The following PLIN4 variants were observed in gnomAD, a reference collection of about 807,000 sequenced individuals.
PLIN4 encodes the protein perilipin 4, also known as perilipin-4.
In PLIN4, 57 loss-of-function variants were observed where a neutral mutation model predicts 52.4. That is an observed-to-expected ratio of 1.09 (90% CI 0.88 to 1.36). The LOEUF is 1.36. Among genes scored for constraint, PLIN4 ranks in the 40% most tolerant of loss-of-function variants. PLIN4 has a pLI of 0.00. For synonymous variants in PLIN4, 826 were observed against 785.4 expected, an observed-to-expected ratio of 1.05 and a Z score of -0.86; for missense variants, 1,757 against 1,770.3, an observed-to-expected ratio of 0.99 and a Z score of 0.13.
chr19:4,512,983 C>T lies in PLIN4; in HGVS notation c.977G>A (p.Ser326Asn), dbSNP rs56271257. 5.0e-6 allele frequency: 3 copies of T among 600,228 alleles called. No individual in the cohort carries two copies. The highest frequency in any genetic ancestry group is 2.7e-5 in the East Asian group (1 of 37,458). The allele number at this position is 600,228 out of a possible 1,614,324, so 37.2% of individuals were successfully genotyped here. Residue 326 changes from serine (S) to asparagine (N), a missense_variant, in exon 5 of 8, where the codon AGT (serine) becomes AAT (asparagine). By Grantham distance (46) the Ser-to-Asn change is conservative. This residue lies in a region of PLIN4 where 99 missense variants were observed against 143.4 expected (regional missense o/e 0.69). Transcript: ENST00000301286. The part of the protein sequence containing the change: ...KGTIQTGVDT[S>N]KTVLTGTKDT... ...CTTGGTACCTGTTAGGACAGTCTTA[C>T]TGGTGTCCACGCCGGTCTGGATGGT...
chr19:4,511,786 A>G lies in PLIN4; in HGVS notation c.2174T>C (p.Val725Ala). 1.2e-6 allele frequency: 2 copies of G among 1,603,778 alleles called. No individual in the cohort carries two copies. Among genetic ancestry groups the G allele is most frequent in the Non-Finnish European group, 8.5e-7 (1 of 1,175,966 alleles). ...VQTSVDTTKT[V>A]LTGTKDTVCS... ...GACGGTGTCCTTGGTACCAGTTAGGACAGTCTTGGTGGTGTCCACACTGGT... is the reference window on the plus strand; with the variant it reads ...GACGGTGTCCTTGGTACCAGTTAGGGCAGTCTTGGTGGTGTCCACACTGGT... The change falls in exon 5 of 8, where the codon GTC becomes GCC. Residue 725 changes from valine to alanine, a missense_variant. This residue lies in a region of PLIN4 where 96 missense variants were observed against 136.5 expected (regional missense o/e 0.70). Coordinates refer to ENST00000301286, the MANE Select transcript of PLIN4 (RefSeq NM_001367868.2).
Position 4,510,900 on chromosome 19 carries a change from C to T in PLIN4, c.3060G>A (p.Lys1020=). ...GAVQGGLDTT[K]TVLTGTKDAV... ...CGTCTTTGGTTCCGGTCAGCACTGT[C>T]TTGGTGGTGTCCAGGCCCCCCTGGA... Residue 1020 remains lysine (K), a synonymous_variant, in exon 5 of 8, where the codon AAG becomes AAA. Transcript: ENST00000301286. 1 of 1,613,708 alleles carries T rather than the reference C, an allele frequency of 6.2e-7. No individual in the cohort carries two copies. Among genetic ancestry groups the T allele is most frequent in the Non-Finnish European group, 8.5e-7 (1 of 1,179,880 alleles).
rs748177287 is a variant in PLIN4 at position 4,502,489 on chromosome 19, T to TTGA, written c.*1967_*1969dup. The stretch of plus-strand genomic sequence containing the variant: ...CCCCGCACCCACGAGGCTGGGGGGT[T>TTGA]TGATGCTTCCTGCATCTGGCAGCCC... On this transcript the variant is annotated 3_prime_UTR_variant, in exon 8 of 8. Coordinates refer to ENST00000301286, the MANE Select transcript of PLIN4 (RefSeq NM_001367868.2). The TTGA allele has an allele frequency of 3.6e-6, 1 of 279,672 alleles. No individual in the cohort carries two copies. The allele number at this position is 279,672 out of a possible 1,614,324, so 17.3% of individuals were successfully genotyped here. A position where few individuals can be genotyped will look rare whatever the true frequency, so the allele number is the denominator to read the frequency against.
At position 4,513,531 on chromosome 19, in the gene PLIN4, G is replaced by A; in HGVS notation, c.429C>T (p.Val143=). 6 of 1,609,872 alleles carry A rather than the reference G, an allele frequency of 3.7e-6. No homozygotes were observed. In the South Asian group the frequency reaches 5.5e-5, roughly 15 times the overall value. ...CCTTAGCCATGTCCATGGCCCCTGT[G>A]ACCCCGCTGGACACCACCTCCTTGG... ...TGTKEVVSSG[V]TGAMDMAKGA... The change falls in exon 5 of 8, where the codon GTC becomes GTT. Residue 143 remains valine (V), a synonymous_variant. Coordinates refer to ENST00000301286, the MANE Select transcript of PLIN4 (RefSeq NM_001367868.2).
At position 4,512,196 on chromosome 19, in the gene PLIN4, G is replaced by A. The variant is rs779284877; in HGVS notation, c.1764C>T (p.Asp588=). ...TGCCGGTCAGCACGGTCTTGGCTGT[G>A]TCTACACCTGTCTGGACAGCCCCCT... ...VAKGAVQTGV[D]TAKTVLTGTK... The change falls in exon 5 of 8, where the codon GAC becomes GAT. Residue 588 remains aspartate (D), a synonymous_variant. Coordinates refer to ENST00000301286, the MANE Select transcript of PLIN4 (RefSeq NM_001367868.2). The A allele has an allele frequency of 3.7e-6, 6 of 1,612,384 alleles. No individual in the cohort carries two copies. The highest frequency in any genetic ancestry group is 4.2e-6 in the Non-Finnish European group (5 of 1,179,640).
Position 4,516,664 on chromosome 19 carries a change from C to G in PLIN4, c.211G>C (p.Glu71Gln), listed in dbSNP as rs776443950. 1 of 1,599,238 alleles carries G rather than the reference C, an allele frequency of 6.3e-7. No homozygotes were observed. The highest frequency in any genetic ancestry group is 1.7e-5 in the Admixed American group (1 of 58,076). ...TTCTCCGTCCATGGGGCCGTCTGCTCTGGGTGGGCAGCCACTGTGGGGACA... is the reference window on the plus strand; with the variant it reads ...TTCTCCGTCCATGGGGCCGTCTGCTGTGGGTGGGCAGCCACTGTGGGGACA... Reference protein sequence around the residue: ...QPQAQVAAHPEQTAPWTEKEL... With the variant: ...QPQAQVAAHPQQTAPWTEKEL... Residue 71 changes from glutamate to glutamine, a missense_variant, in exon 4 of 8, where the codon GAG becomes CAG. By Grantham distance (29) the Glu-to-Gln change is conservative (BLOSUM62 2). Coordinates refer to ENST00000301286, the MANE Select transcript of PLIN4 (RefSeq NM_001367868.2).
Position 4,504,718 on chromosome 19 carries a change from C to T in PLIN4, c.3857G>A (p.Gly1286Asp), listed in dbSNP as rs1265792821. ...CAGGCCCTGGAGGCTGGAGACCAGG[C>T]CACTGTAGGCCGTGTGCAGCTGCCG... ...LLRQLHTAYSGLVSSLQGLPA... is the reference protein window; with the variant it reads ...LLRQLHTAYSDLVSSLQGLPA... Residue 1286 changes from glycine (G) to aspartate (D), a missense_variant, in exon 8 of 8, where the codon GGC (glycine) becomes GAC (aspartate). Gly to Asp is a moderately conservative substitution (Grantham distance 94). Transcript: ENST00000301286. 4 of 1,600,952 alleles carry T rather than the reference C, an allele frequency of 2.5e-6. No homozygotes were observed. The highest frequency in any genetic ancestry group is 1.1e-5 in the South Asian group (1 of 90,352).
Position 4,504,429 on chromosome 19 carries a change from A to G in PLIN4, c.*30T>C. Reference sequence around the variant, plus strand: ...GCTCCTCCCTGGACAGAGCAGGGCGACCCCGCGCCGGGCCTGCAGGCTCCT... The same window carrying G: ...GCTCCTCCCTGGACAGAGCAGGGCGGCCCCGCGCCGGGCCTGCAGGCTCCT... On this transcript the variant is annotated 3_prime_UTR_variant, in exon 8 of 8. Coordinates refer to ENST00000301286, the MANE Select transcript of PLIN4 (RefSeq NM_001367868.2). 1 of 1,498,984 alleles carries G rather than the reference A, an allele frequency of 6.7e-7. No individual in the cohort carries two copies. The highest frequency in any genetic ancestry group is 8.9e-7 in the Non-Finnish European group (1 of 1,123,900). The allele number at this position is 1,498,984 out of a possible 1,614,324, so 92.9% of individuals were successfully genotyped here. A position where few individuals can be genotyped will look rare whatever the true frequency, so the allele number is the denominator to read the frequency against.
At chr19:4,506,577 T>G (rs952858419) in intron 6 of PLIN4, among the ~76,000 whole-genome samples, 3 of 151,676 alleles carry the variant, frequency 2.0e-5, no homozygotes, top group African/African-American at 7.3e-5. Context: ...CAGTAGCACT[T>G]AAAGGAACAA....
intron 6 of PLIN4, among the ~76,000 whole-genome samples, chr19:4,506,357 T>G (rs568413263): frequency 4.1e-4 from 63 of 152,360 alleles, no homozygotes; most frequent in African/African-American, 1.4e-3. Flanking sequence ...CTGCCCATTC[T>G]GACGCACTCC....
chr19:4,508,486 C>T (rs1418125138), intron 6 of PLIN4, among the ~76,000 whole-genome samples: 2 of 152,154 alleles, frequency 1.3e-5, no homozygotes, highest in Non-Finnish European at 2.9e-5. Flanking sequence ...AGGCTGGTCT[C>T]GAACTCCTGA....
Position 4,512,602 on chromosome 19 carries a change from G to T in PLIN4, c.1358C>A (p.Thr453Lys), listed in dbSNP as rs1488225537. 5.0e-6 allele frequency: 8 copies of T among 1,608,778 alleles called. No homozygotes were observed. The highest frequency in any genetic ancestry group is 1.4e-5 in the African/African-American group (1 of 73,604). Reference sequence around the variant, plus strand: ...AACGATCTTGGTGGTGTCCACGCCTGTCTGGATGGTTCCTCTGGCCAAATT... The same window carrying T: ...AACGATCTTGGTGGTGTCCACGCCTTTCTGGATGGTTCCTCTGGCCAAATT... ...AMNLARGTIQ[T>K]GVDTTKIVLT... The change falls in exon 5 of 8, where the codon ACA becomes AAA. Residue 453 changes from threonine (T) to lysine (K), a missense_variant. Thr to Lys is a moderately conservative substitution (Grantham distance 78). Coordinates refer to ENST00000301286, the MANE Select transcript of PLIN4 (RefSeq NM_001367868.2).
Position 4,517,703 on chromosome 19 carries a change from A to G in PLIN4, c.52-5T>C, listed in dbSNP as rs999810905. 1.3e-6 allele frequency: 2 copies of G among 1,579,720 alleles called. No individual in the cohort carries two copies. The highest frequency in any genetic ancestry group is 1.7e-6 in the Non-Finnish European group (2 of 1,163,384). On this transcript the variant is annotated splice_region_variant and splice_polypyrimidine_tract_variant and intron_variant, in intron 2 of 7. Transcript: ENST00000301286. ...CCCAAAGAAGCTGCCCAGGGTCTGC[A>G]TGGGGGCGGGGGGTGTGCAGGATGA...
At chr19:4,515,162 C>T (rs376588902) in intron 4 of PLIN4, among the ~76,000 whole-genome samples, 6 of 150,700 alleles carry the variant, frequency 4.0e-5, no homozygotes, top group Non-Finnish European at 5.9e-5. Context: ...GGTGACAGAG[C>T]GAGACTGTCT....
rs1321516755 is a variant in PLIN4 at position 4,511,220 on chromosome 19, G to C, written c.2740C>G (p.Gln914Glu). Residue 914 changes from glutamine (Q) to glutamate (E), a missense_variant, in exon 5 of 8, where the codon CAG (glutamine) becomes GAG (glutamate). Transcript: ENST00000301286. ...GAVNLAKGTV[Q>E]TGVDTSKTVL... ...GTCTTGCTGGTGTCCACGCCGGTCT[G>C]GACAGTCCCTTTGGCCAAGTTCACA... 1.2e-6 allele frequency: 2 copies of C among 1,612,654 alleles called. No homozygotes were observed. The highest frequency in any genetic ancestry group is 1.7e-5 in the Admixed American group (1 of 59,904).
At chr19:4,505,732 G>A (rs554524680) in intron 6 of PLIN4, among the ~76,000 whole-genome samples, 2 of 152,232 alleles carry the variant, frequency 1.3e-5, no homozygotes, top group South Asian at 4.1e-4. Flanking sequence ...ACTCCAGACT[G>A]CTGTCGCCCT....
In PLIN4 at chr19:4,508,886, AAACG is replaced by A. The variant is rs764244040; in HGVS notation, c.3580_3583del (p.Arg1194Ter). ...GCGGAAGCTGGGACCCAGGTCACCT[AAACG>A]AACGAAGTAGCTCCCCTGTTCCGCC... On this transcript the variant is annotated frameshift_variant, in exon 6 of 8. Transcript: ENST00000301286. LOFTEE classifies it high-confidence loss of function. 47 of 1,613,080 alleles carry A rather than the reference AAACG, an allele frequency of 2.9e-5. 1 individual carries two copies. The highest frequency in any genetic ancestry group is 2.3e-4 in the South Asian group (21 of 91,070).
chr19:4,510,264 G>A (rs1013852846), intron 5 of PLIN4, among the ~76,000 whole-genome samples, 182 bp downstream of exon 5: 2 of 151,914 alleles, frequency 1.3e-5, no homozygotes, highest in Non-Finnish European at 2.9e-5. Flanking sequence ...TGTTTGGGAG[G>A]CTGAGGCAGG....
chr19:4,511,351 G>A lies in PLIN4; in HGVS notation c.2609C>T (p.Thr870Ile), dbSNP rs748197261. The change falls in exon 5 of 8, where the codon ACC (threonine) becomes ATC (isoleucine). Residue 870 changes from threonine to isoleucine, a missense_variant. Physicochemically the swap from Thr to Ile is moderately conservative, Grantham distance 89 (BLOSUM62 -1). Transcript: ENST00000301286. ...GTKNTLGSGV[T>I]GAAKVAKGAV... ...CCCTTTGGCCACTTTCGCAGCACCG[G>A]TCACCCCACTGCCAAGGGTGTTCTT... 1 of 1,590,254 alleles carries A rather than the reference G, an allele frequency of 6.3e-7. No individual in the cohort carries two copies. The highest frequency in any genetic ancestry group is 1.1e-5 in the South Asian group (1 of 89,906).
Sources: gnomAD v4.1 joint callset for allele counts (sites outside exome capture counted in the v4.1 genomes callset) on GRCh38, gnomAD v4.1.1 for gene constraint, gnomAD v4.1.1 regional missense constraint, MANE v1.5 for transcripts, NCBI Gene and HGNC (gene_info 2026-07-23, HGNC 2026-07-21) for gene names.